The following VANGL1 variants were observed in gnomAD, a reference collection of about 807,000 sequenced individuals.
The protein encoded by VANGL1 is VANGL planar cell polarity protein 1, also known as vang-like protein 1.
Under a neutral mutation model 48.4 loss-of-function variants are expected in VANGL1, and 18 were observed. The observed-to-expected ratio is 0.37, with a 90% CI of 0.26 to 0.55. The LOEUF (loss-of-function observed/expected upper bound fraction) is 0.55, where lower values mean the gene tolerates loss of function less well. VANGL1 is among the 20% of genes least tolerant of loss of function. The pLI, the probability that VANGL1 is intolerant of heterozygous loss-of-function variation, is 0.81. For synonymous variants in VANGL1, 257 were observed against 261.8 expected, an observed-to-expected ratio of 0.98 and a Z score of 0.18; for missense variants, 667 against 675.8, an observed-to-expected ratio of 0.99 and a Z score of 0.14.
At chr1:115,672,051 CTTCTGGTTCTCA>C (rs1185163842) in intron 4 of VANGL1, among the ~76,000 whole-genome samples, 1 of 152,204 alleles carries the variant, frequency 6.6e-6, no homozygotes, top group Non-Finnish European at 1.5e-5. Context: ...CTATTAGCTA[CTTCTGGTTCTCA>C]CAAACTCCTC....
At chr1:115,682,520 C>T (rs371727348) in intron 5 of VANGL1, 23 bp downstream of exon 5, 16 of 1,613,948 alleles carry the variant, frequency 9.9e-6, no homozygotes, top group East Asian at 8.9e-5. Context: ...AAAGGGTGTC[C>T]GTGGTGCTCA....
Position 115,651,568 on chromosome 1 carries a change from C to G in VANGL1, c.71+84C>G, listed in dbSNP as rs376085770. 426 of 1,197,866 alleles carry G rather than the reference C, an allele frequency of 3.6e-4. 1 individual carries two copies. In the African/African-American group the frequency reaches 4.3e-3, roughly 12 times the overall value. The allele number at this position is 1,197,866 out of a possible 1,614,324, so 74.2% of individuals were successfully genotyped here. On this transcript the variant is annotated intron_variant, in intron 2 of 7. Coordinates refer to ENST00000355485, the MANE Select transcript of VANGL1 (RefSeq NM_138959.3). ...GTTCTCTACACTCACTTTTCAGTGACTCAGCGCTGGACATTTGGTCGGTTG... is the reference window on the plus strand; with the variant it reads ...GTTCTCTACACTCACTTTTCAGTGAGTCAGCGCTGGACATTTGGTCGGTTG...
At chr1:115,688,946 C>T (rs568737839) in intron 7 of VANGL1, among the ~76,000 whole-genome samples, 1 of 134,654 alleles carries the variant, frequency 7.4e-6, no homozygotes, top group South Asian at 2.6e-4. Context: ...CCCACCACCA[C>T]GCCCAGCTAA....
At position 115,691,513 on chromosome 1, in the gene VANGL1, C is replaced by A; in HGVS notation, c.*134C>A. 1 of 1,019,656 alleles carries A rather than the reference C, an allele frequency of 9.8e-7. No individual in the cohort carries two copies. Among genetic ancestry groups the A allele is most frequent in the Non-Finnish European group, 1.4e-6 (1 of 721,886 alleles). The allele number at this position is 1,019,656 out of a possible 1,614,324, so 63.2% of individuals were successfully genotyped here. A position where few individuals can be genotyped will look rare whatever the true frequency, so the allele number is the denominator to read the frequency against. On this transcript the variant is annotated 3_prime_UTR_variant, in exon 8 of 8. Transcript: ENST00000355485. ...AAACTGGCAGATGATTGACCAGTATCCTTTGACCATCTGCACTTTATTTGG... is the reference window on the plus strand; with the variant it reads ...AAACTGGCAGATGATTGACCAGTATACTTTGACCATCTGCACTTTATTTGG...
At chr1:115,660,979 G>A (rs931889139) in intron 3 of VANGL1, among the ~76,000 whole-genome samples, 1 of 152,162 alleles carries the variant, frequency 6.6e-6, no homozygotes, top group African/African-American at 2.4e-5. Context: ...CCTCCTGGAT[G>A]TGGGTTCAGA....
chr1:115,679,353 G>T (rs1448077541), intron 4 of VANGL1, among the ~76,000 whole-genome samples: 1 of 152,224 alleles, frequency 6.6e-6, no homozygotes. Flanking sequence ...AGCCATGCCT[G>T]TGACACCCAG....
chr1:115,654,035 G>A (rs765109696), intron 2 of VANGL1, among the ~76,000 whole-genome samples: 1 of 152,142 alleles, frequency 6.6e-6, no homozygotes, highest in Non-Finnish European at 1.5e-5. Flanking sequence ...GGGGCCTAAA[G>A]GATGTTAAGC....
chr1:115,663,974 G>A lies in VANGL1; in HGVS notation c.518G>A (p.Arg173His), dbSNP rs148341022. 2.5e-5 allele frequency: 41 copies of A among 1,614,122 alleles called. No homozygotes were observed. The Admixed American group carries it at 3.5e-4, about 14-fold the overall frequency. Residue 173 changes from arginine (R) to histidine (H), a missense_variant, in exon 4 of 8, where the codon CGC becomes CAC. Transcript: ENST00000355485. ...ATAGGGACCTGGGCACTTTTTTTCC[G>A]CAAGCGGAGAGCTGACATGCCACGG... Reference protein sequence around the residue: ...LLIGTWALFFRKRRADMPRVF... With the variant: ...LLIGTWALFFHKRRADMPRVF...
At chr1:115,643,034 GC>G (rs1282888231) in intron 1 of VANGL1, among the ~76,000 whole-genome samples, 1 of 152,236 alleles carries the variant, frequency 6.6e-6, no homozygotes. Flanking sequence ...TGCCCACGCT[GC>G]GAAGGTGTTG....
chr1:115,662,290 A>G (rs112224611), intron 3 of VANGL1, among the ~76,000 whole-genome samples: 18 of 152,300 alleles, frequency 1.2e-4, no homozygotes, highest in African/African-American at 4.1e-4. Context: ...TGATTTAGCT[A>G]CTAACTGAAA....
chr1:115,678,826 C>T (rs971477329), intron 4 of VANGL1, among the ~76,000 whole-genome samples: 1 of 151,798 alleles, frequency 6.6e-6, no homozygotes, highest in African/African-American at 2.4e-5. Flanking sequence ...CGTGGTGGCA[C>T]GTGCTGTAGT....
chr1:115,643,641 A>G (rs1436465368), intron 1 of VANGL1, among the ~76,000 whole-genome samples: 2 of 152,326 alleles, frequency 1.3e-5, no homozygotes, highest in East Asian at 1.9e-4. Flanking sequence ...TGTAAGTAAA[A>G]TGGGAGAAGA....
rs546247380 is a variant in VANGL1, at chr1:115,643,424, G to A, written c.-138+1338G>A. Among the ~76,000 whole-genome samples, 8 of 152,304 alleles carry A rather than the reference G, an allele frequency of 5.3e-5. No homozygotes were observed. In the South Asian group the frequency reaches 1.5e-3, roughly 28 times the overall value. ...CACTAATTATAGAGTTTTTAGGGTT[G>A]AATTAAATCAATGTGATATAGTTGG... On this transcript the variant is annotated intron_variant, in intron 1 of 7. Transcript: ENST00000355485.
At chr1:115,666,936 A>G (rs543581843) in intron 4 of VANGL1, among the ~76,000 whole-genome samples, 2 of 152,342 alleles carry the variant, frequency 1.3e-5, no homozygotes, top group South Asian at 2.1e-4. Flanking sequence ...TCCTTGGGCT[A>G]AATCTGGTCT....
chr1:115,655,075 T>C (rs1364395367), intron 2 of VANGL1, among the ~76,000 whole-genome samples: 3 of 152,204 alleles, frequency 2.0e-5, no homozygotes, highest in Admixed American at 1.3e-4. Context: ...GAATTGGTGC[T>C]TTTGTTTCAA....
At chr1:115,683,387 G>A (rs767465203) in intron 5 of VANGL1, among the ~76,000 whole-genome samples, 33 of 152,152 alleles carry the variant, frequency 2.2e-4, no homozygotes, top group Non-Finnish European at 3.4e-4. Flanking sequence ...TCATTAACGG[G>A]TCACGTTGCA....
At chr1:115,647,203 G>A (rs1651973879) in intron 1 of VANGL1, among the ~76,000 whole-genome samples, 1 of 139,308 alleles carries the variant, frequency 7.2e-6, no homozygotes, top group African/African-American at 3.3e-5. Flanking sequence ...CATGTCAGGG[G>A]TCAGTATGAT....
chr1:115,670,803 T>A (rs1294346511), intron 4 of VANGL1, among the ~76,000 whole-genome samples: 1 of 152,218 alleles, frequency 6.6e-6, no homozygotes, highest in Non-Finnish European at 1.5e-5. Flanking sequence ...CTGTAATTAC[T>A]TTTTAATAAA....
rs41275546 is a variant in VANGL1 at position 115,663,786 on chromosome 1, C to T, written c.330C>T (p.Tyr110=). 5.3e-3 allele frequency: 8,591 copies of T among 1,614,208 alleles called. 36 individuals carry two copies. Among genetic ancestry groups the T allele is most frequent in the Non-Finnish European group, 6.8e-3 (8,025 of 1,180,036 alleles). Residue 110 remains tyrosine (Y), a synonymous_variant, in exon 4 of 8, where the codon TAC becomes TAT. Coordinates refer to ENST00000355485, the MANE Select transcript of VANGL1 (RefSeq NM_138959.3). The part of the protein sequence containing the change: ...EDSVGLDCKR[Y]LGLTVASFLG... ...GCGTGGGGCTGGATTGCAAACGCTA[C>T]CTGGGCCTCACCGTCGCCTCTTTTC...
Sources: gnomAD v4.1 joint callset for allele counts (sites outside exome capture counted in the v4.1 genomes callset) on GRCh38, gnomAD v4.1.1 for gene constraint, MANE v1.5 for transcripts, NCBI Gene and HGNC (gene_info 2026-07-23, HGNC 2026-07-21) for gene names.